The following MISP variants were observed in gnomAD, a reference collection of about 807,000 sequenced individuals.
The protein encoded by MISP is mitotic spindle positioning.
In MISP, 51 loss-of-function variants were observed where a neutral mutation model predicts 49.3. That is an observed-to-expected ratio of 1.03 (90% CI 0.83 to 1.31). The LOEUF is 1.31. Among genes scored for constraint, MISP ranks in the 50% most tolerant of loss-of-function variants. The pLI is 0.00. For synonymous variants in MISP, 444 were observed against 392.6 expected (o/e 1.13, Z -1.55); for missense variants, 1,084 against 935.1 (o/e 1.16, Z -2.08).
At chr19:753,957 A>G (rs1383451247) in intron 1 of MISP, among the ~76,000 whole-genome samples, 1 of 151,776 alleles carries the variant, frequency 6.6e-6, no homozygotes, top group Non-Finnish European at 1.5e-5. Context: ...TGCTTTTTTT[A>G]GGAGTCAGGA....
At chr19:751,031 G>C (rs2093500839), upstream of MISP, 1 of 152,712 alleles carries the variant, frequency 6.5e-6, no homozygotes, top group African/African-American at 2.4e-5. Flanking sequence ...AGGTGGGGCT[G>C]GGGGGAGGGG....
intron 1 of MISP, among the ~76,000 whole-genome samples, chr19:751,711 G>T (rs1416416114): frequency 6.6e-6 from 1 of 152,158 alleles, no homozygotes; most frequent in Non-Finnish European, 1.5e-5. Flanking sequence ...GTCCTCGGGT[G>T]GGGGTGAGGT....
chr19:751,797 G>C (rs1335935359), intron 1 of MISP, among the ~76,000 whole-genome samples: 1 of 152,204 alleles, frequency 6.6e-6, no homozygotes, highest in African/African-American at 2.4e-5. Flanking sequence ...AGGAGCCCAA[G>C]GAGCTGAGAT....
chr19:761,592 A>G, intron 3 of MISP, 33 bp from the exon 4 acceptor site: 1 of 1,613,872 alleles, frequency 6.2e-7, no homozygotes, highest in Non-Finnish European at 8.5e-7. Context: ...CAGGGCAGAA[A>G]GGCCTGGGCT....
intron 1 of MISP, among the ~76,000 whole-genome samples, chr19:751,912 C>T (rs1429991862): frequency 6.6e-6 from 1 of 152,172 alleles, no homozygotes; most frequent in Non-Finnish European, 1.5e-5. Flanking sequence ...GAACCTTTGC[C>T]CCTCACATAG....
At chr19:754,034 T>C (rs8101486) in intron 1 of MISP, among the ~76,000 whole-genome samples, 28,097 of 152,100 alleles carry the variant, frequency 0.18, 2,898 homozygotes, top group East Asian at 0.35. Context: ...AAAGATGATG[T>C]CTGCTGGACA....
chr19:756,903 C>A lies in MISP; in HGVS notation c.-44C>A. The A allele has an allele frequency of 6.9e-7, 1 of 1,441,828 alleles. No individual in the cohort carries two copies. The highest frequency in any genetic ancestry group is 1.4e-5 in the South Asian group (1 of 70,078). The allele number at this position is 1,441,828 out of a possible 1,614,324, so 89.3% of individuals were successfully genotyped here. A position where few individuals can be genotyped will look rare whatever the true frequency, so the allele number is the denominator to read the frequency against. ...CTCCTCCCTCAGTAAGCCCAGAGGT[C>A]TCCACCCCACGGGAGGAAGGCTGAG... On this transcript the variant is annotated 5_prime_UTR_variant, in exon 2 of 5. Coordinates refer to ENST00000215582, the MANE Select transcript of MISP (RefSeq NM_173481.4).
At chr19:760,227 C>T (rs1233953966) in intron 3 of MISP, among the ~76,000 whole-genome samples, 188 bp downstream of exon 3, 2 of 151,826 alleles carry the variant, frequency 1.3e-5, no homozygotes, top group East Asian at 1.9e-4. Context: ...TATCTCTGGG[C>T]TTCTGCTTGG....
Position 757,461 on chromosome 19 carries a change from C to A in MISP, c.515C>A (p.Thr172Asn), listed in dbSNP as rs145204788. 6.3e-7 allele frequency: 1 copy of A among 1,592,966 alleles called. No individual in the cohort carries two copies. Among genetic ancestry groups the A allele is most frequent in the African/African-American group, 1.3e-5 (1 of 74,272 alleles). Residue 172 changes from threonine to asparagine, a missense_variant, in exon 2 of 5, where the codon ACC becomes AAC. Thr to Asn is a moderately conservative substitution (Grantham distance 65, BLOSUM62 0). Coordinates refer to ENST00000215582, the MANE Select transcript of MISP (RefSeq NM_173481.4). The part of the protein sequence containing the change: ...QGTPDHGDPR[T>N]PGPPRSTPLE... ...ACTCCTGACCACGGAGACCCCAGGA[C>A]CCCCGGCCCACCTCGGTCCACGCCC...
upstream of MISP, among the ~76,000 whole-genome samples, chr19:749,766 G>A (rs186434079): frequency 5.6e-4 from 86 of 152,230 alleles, no homozygotes; most frequent in African/African-American, 1.8e-3. Context: ...GGAGGTTGCC[G>A]TGAGCCGAGA....
rs2033586746 is a variant in MISP, at chr19:757,783, G to A, written c.837G>A (p.Leu279=). 2 of 1,612,842 alleles carry A rather than the reference G, an allele frequency of 1.2e-6. No homozygotes were observed. Among genetic ancestry groups the A allele is most frequent in the African/African-American group, 2.7e-5 (2 of 75,026 alleles). ...AAGTTGTGGATGACCCTGGCTCCTT[G>A]GCCTCAGTGGAGTCCCCGGGGACCC... is the stretch of plus-strand genomic sequence containing the variant. ...SVQVVDDPGS[L]ASVESPGTPK... Residue 279 remains leucine, a synonymous_variant, in exon 2 of 5, where the codon TTG becomes TTA. Coordinates refer to ENST00000215582, the MANE Select transcript of MISP (RefSeq NM_173481.4).
At position 758,382 on chromosome 19, in the gene MISP, G is replaced by A. The variant is rs1599185423; in HGVS notation, c.1436G>A (p.Ser479Asn). The A allele has an allele frequency of 6.2e-7, 1 of 1,614,218 alleles. No individual in the cohort carries two copies. The highest frequency in any genetic ancestry group is 8.5e-7 in the Non-Finnish European group (1 of 1,180,036). ...TCAGAATCCTCTGGAAAACCCCTGA[G>A]CACAAAGCAAGAGGCATCGAAGCCC... ...HLSESSGKPL[S>N]TKQEASKPPR... The change falls in exon 2 of 5, where the codon AGC becomes AAC. Residue 479 changes from serine to asparagine, a missense_variant. By Grantham distance (46) the Ser-to-Asn change is conservative. Coordinates refer to ENST00000215582, the MANE Select transcript of MISP (RefSeq NM_173481.4).
Position 757,661 on chromosome 19 carries a change from C to T in MISP, c.715C>T (p.Leu239=). The change falls in exon 2 of 5, where the codon CTG becomes TTG. Residue 239 remains leucine (L), a synonymous_variant. Coordinates refer to ENST00000215582, the MANE Select transcript of MISP (RefSeq NM_173481.4). The part of the protein sequence containing the change: ...QAPKAFNKPH[L]ANGHVVPIKP... ...CCCCAAGGCCTTCAACAAGCCCCACCTGGCCAACGGGCACGTGGTTCCCAT... is the reference window on the plus strand; with the variant it reads ...CCCCAAGGCCTTCAACAAGCCCCACTTGGCCAACGGGCACGTGGTTCCCAT... 1 of 1,613,500 alleles carries T rather than the reference C, an allele frequency of 6.2e-7. No individual in the cohort carries two copies. Among genetic ancestry groups the T allele is most frequent in the Non-Finnish European group, 8.5e-7 (1 of 1,179,826 alleles).
intron 1 of MISP, among the ~76,000 whole-genome samples, chr19:752,190 G>A (rs746633162): frequency 3.4e-4 from 52 of 152,160 alleles, no homozygotes; most frequent in Non-Finnish European, 1.9e-4. Flanking sequence ...GGTGTTGCAG[G>A]AAGAGTCTCA....
At position 757,287 on chromosome 19, in the gene MISP, A is replaced by C; in HGVS notation, c.341A>C (p.Glu114Ala). Residue 114 changes from glutamate (E) to alanine (A), a missense_variant, in exon 2 of 5, where the codon GAG becomes GCG. Coordinates refer to ENST00000215582, the MANE Select transcript of MISP (RefSeq NM_173481.4). ...QGRPTWALRP[E>A]DGEDKEMKTY... is the part of the protein sequence containing the mutation. ...CGTCCAACATGGGCACTCCGCCCAG[A>C]GGACGGGGAGGACAAGGAGATGAAG... 1 of 1,614,044 alleles carries C rather than the reference A, an allele frequency of 6.2e-7. No individual in the cohort carries two copies.
intron 4 of MISP, among the ~76,000 whole-genome samples, chr19:762,625 C>T (rs778263155): frequency 3.2e-4 from 49 of 152,014 alleles, no homozygotes; most frequent in South Asian, 6.2e-4. Context: ...GTTTATGGCA[C>T]ACGTGTGTGG....
At chr19:761,421 A>C (rs2033670374) in intron 3 of MISP, among the ~76,000 whole-genome samples, 2 of 152,108 alleles carry the variant, frequency 1.3e-5, no homozygotes, top group South Asian at 4.2e-4. Flanking sequence ...CAGAGGCTGC[A>C]CTGAGGGGAA....
chr19:757,634 G>GC lies in MISP; in HGVS notation c.693dup (p.Lys232GlnfsTer44). The GC allele has an allele frequency of 6.2e-7, 1 of 1,612,650 alleles. No individual in the cohort carries two copies. Reference sequence around the variant, plus strand: ...AGGCACAACCCCAGGGGCCAGCCAGGCCCCCAAGGCCTTCAACAAGCCCCA... The same window carrying GC: ...AGGCACAACCCCAGGGGCCAGCCAGGCCCCCCAAGGCCTTCAACAAGCCCCA... On this transcript the variant is annotated frameshift_variant, in exon 2 of 5. Transcript: ENST00000215582. LOFTEE classifies it high-confidence loss of function.
chr19:756,897 A>C lies in MISP; in HGVS notation c.-50A>C. On this transcript the variant is annotated 5_prime_UTR_variant, in exon 2 of 5. Coordinates refer to ENST00000215582, the MANE Select transcript of MISP (RefSeq NM_173481.4). ...TTCCTTCTCCTCCCTCAGTAAGCCCAGAGGTCTCCACCCCACGGGAGGAAG... is the reference window on the plus strand; with the variant it reads ...TTCCTTCTCCTCCCTCAGTAAGCCCCGAGGTCTCCACCCCACGGGAGGAAG... 7.0e-7 allele frequency: 1 copy of C among 1,431,260 alleles called. No individual in the cohort carries two copies. The highest frequency in any genetic ancestry group is 9.3e-7 in the Non-Finnish European group (1 of 1,073,392). The allele number at this position is 1,431,260 out of a possible 1,614,324, so 88.7% of individuals were successfully genotyped here.
Sources: allele counts gnomAD v4.1 joint callset (sites outside exome capture counted in the v4.1 genomes callset), GRCh38; gene constraint gnomAD v4.1.1; transcripts MANE v1.5; gene names NCBI Gene and HGNC (gene_info 2026-07-23, HGNC 2026-07-21).